MOK: variants seen among roughly 807,000 people sequenced by gnomAD.
MOK encodes MAPK/MAK/MRK overlapping kinase.
In MOK, 59 loss-of-function variants were observed where a neutral mutation model predicts 54.2. That is an observed-to-expected ratio of 1.09 (90% CI 0.88 to 1.35). The LOEUF (loss-of-function observed/expected upper bound fraction) is 1.35. Among genes scored for constraint, MOK ranks in the 40% most tolerant of loss-of-function variants. The probability of loss-of-function intolerance (pLI) is 0.00; values close to 1 mark genes in which losing one functional copy is unlikely to be tolerated. For synonymous variants in MOK, 210 were observed against 202.7 expected, an observed-to-expected ratio of 1.04 and a Z score of -0.31; for missense variants, 517 against 526.2, an observed-to-expected ratio of 0.98 and a Z score of 0.17.
intron 1 of MOK, among the ~76,000 whole-genome samples, 167 bp downstream of exon 1, chr14:102,304,795 G>A (rs973896929): frequency 6.6e-6 from 1 of 151,924 alleles, no homozygotes; most frequent in East Asian, 1.9e-4. Context: ...TCTCACAGCC[G>A]AGGGGGATTC....
chr14:102,226,555 G>A (rs1328014279), downstream of MOK: 1 of 665,030 alleles, frequency 1.5e-6, no homozygotes, highest in Non-Finnish European at 2.7e-6. The surrounding 1 kb of genome is among the most constrained non-coding windows in gnomAD (Gnocchi z 4.8). Flanking sequence ...CCTATGGGCT[G>A]AGCCAGCCTG....
Position 102,228,973 on chromosome 14 carries a change from C to T in MOK, c.*316G>A. 2.6e-6 allele frequency: 1 copy of T among 379,342 alleles called. No individual in the cohort carries two copies. Among genetic ancestry groups the T allele is most frequent in the Non-Finnish European group, 4.7e-6 (1 of 212,072 alleles). 23.5% of individuals were successfully genotyped at this position (379,342 alleles called of 1,614,324 possible). A position where few individuals can be genotyped will look rare whatever the true frequency, so the allele number is the denominator to read the frequency against. On this transcript the variant is annotated 3_prime_UTR_variant, in exon 12 of 12. Transcript: ENST00000361847. Reference sequence around the variant, plus strand: ...ACCCACCTTCCAACCACGCCCAACACATCACAGAAATGCCTGCTCGTTTGT... The same window carrying T: ...ACCCACCTTCCAACCACGCCCAACATATCACAGAAATGCCTGCTCGTTTGT...
At chr14:102,295,359 T>C (rs1050956257) in intron 1 of MOK, among the ~76,000 whole-genome samples, 1 of 152,254 alleles carries the variant, frequency 6.6e-6, no homozygotes, top group Non-Finnish European at 1.5e-5. Context: ...ATTTAAGCCT[T>C]ATTTAACAAG....
chr14:102,283,171 T>C (rs2069649384), intron 2 of MOK: 1 of 206,434 alleles, frequency 4.8e-6, no homozygotes, highest in Admixed American at 5.8e-5. Context: ...CTGTTTTTTT[T>C]AATTAAAAAA....
intron 4 of MOK, among the ~76,000 whole-genome samples, chr14:102,253,099 G>C (rs886858425): frequency 6.6e-6 from 1 of 152,162 alleles, no homozygotes; most frequent in African/African-American, 2.4e-5. Flanking sequence ...AGGTGAAGCA[G>C]GTTTGGGAAA....
intron 2 of MOK, among the ~76,000 whole-genome samples, chr14:102,275,133 C>T (rs1431318569): frequency 6.6e-6 from 1 of 152,158 alleles, no homozygotes; most frequent in African/African-American, 2.4e-5. Flanking sequence ...CTTTTACAGT[C>T]AATTAGCTTT....
At chr14:102,281,010 G>A (rs956734335) in intron 2 of MOK, among the ~76,000 whole-genome samples, 2 of 152,104 alleles carry the variant, frequency 1.3e-5, no homozygotes, top group Non-Finnish European at 2.9e-5. Flanking sequence ...GCAATATGGC[G>A]AGACCCTGTC....
chr14:102,227,978 AAAAG>A (rs1207505183), downstream of MOK, among the ~76,000 whole-genome samples: 1 of 152,240 alleles, frequency 6.6e-6, no homozygotes, highest in Non-Finnish European at 1.5e-5. Context: ...AAGATGACAA[AAAAG>A]AAAGAAGACC....
intron 1 of MOK, among the ~76,000 whole-genome samples, chr14:102,286,774 G>A (rs1378214607): frequency 2.0e-5 from 3 of 151,992 alleles, no homozygotes; most frequent in Non-Finnish European, 4.4e-5. Context: ...AAAATAATGG[G>A]TGGCAGGTGC....
intron 7 of MOK, among the ~76,000 whole-genome samples, chr14:102,250,395 G>C (rs1450755411): frequency 6.6e-6 from 1 of 152,110 alleles, no homozygotes; most frequent in Non-Finnish European, 1.5e-5. Flanking sequence ...GGGAGGGGTG[G>C]GATTGGGGCT....
intron 7 of MOK, among the ~76,000 whole-genome samples, chr14:102,239,240 A>ACGTT (rs1366149980): frequency 6.6e-6 from 1 of 151,738 alleles, no homozygotes; most frequent in Non-Finnish European, 1.5e-5. Flanking sequence ...AAACCTTAAC[A>ACGTT]CTCAGTTGAT....
At chr14:102,277,529 A>C (rs2068990468) in intron 2 of MOK, 1 of 152,172 alleles carries the variant, frequency 6.6e-6, no homozygotes, top group African/African-American at 2.4e-5. Flanking sequence ...GAGGCAGGAG[A>C]ACTGCTTGAA....
At chr14:102,237,637 C>T (rs1381374266) in intron 7 of MOK, among the ~76,000 whole-genome samples, 1 of 152,196 alleles carries the variant, frequency 6.6e-6, no homozygotes, top group Admixed American at 6.5e-5. Flanking sequence ...TGTCACTGCA[C>T]CAGCTCTGTC....
At chr14:102,224,437 A>C, downstream of MOK, 1 of 383,026 alleles carries the variant, frequency 2.6e-6, no homozygotes, top group Non-Finnish European at 5.1e-6. Flanking sequence ...ATCCCAACAG[A>C]ATGTGCAGCT....
In MOK at chr14:102,293,427, G is replaced by A. The variant is rs561614245; in HGVS notation, c.8-9835C>T. Among the ~76,000 whole-genome samples the A allele has an allele frequency of 6.6e-5, 10 of 152,194 alleles. No individual in the cohort carries two copies. The East Asian group carries it at 1.7e-3, about 26-fold the overall frequency. ...AGAAAGACTGAATACAGCTGGGTGC[G>A]GTGGCTCACGCCTGTAATCCCAGCA... On this transcript the variant is annotated intron_variant, in intron 1 of 11. Coordinates refer to ENST00000361847, the MANE Select transcript of MOK (RefSeq NM_014226.3).
intron 7 of MOK, chr14:102,234,214 C>A: frequency 5.6e-6 from 1 of 178,258 alleles, no homozygotes; most frequent in Non-Finnish European, 1.2e-5. Context: ...CTGGCCAGGA[C>A]TCGCTCACTA....
intron 7 of MOK, among the ~76,000 whole-genome samples, chr14:102,244,686 G>A (rs530241695): frequency 6.6e-6 from 1 of 152,244 alleles, no homozygotes; most frequent in South Asian, 2.1e-4. Context: ...TGGATGGGTA[G>A]AGGCCTTTCC....
chr14:102,283,416 G>T, intron 2 of MOK, 62 bp downstream of exon 2: 1 of 1,042,740 alleles, frequency 9.6e-7, no homozygotes, highest in Admixed American at 2.3e-5. Context: ...CTAATATTAA[G>T]TTGCCGTTAT....
At chr14:102,243,023 C>A (rs2065836021) in intron 7 of MOK, among the ~76,000 whole-genome samples, 1 of 152,142 alleles carries the variant, frequency 6.6e-6, no homozygotes, top group South Asian at 2.1e-4. Context: ...TCAGTCAAAC[C>A]CAAATTTCTT....
Sources: allele counts gnomAD v4.1 joint callset (sites outside exome capture counted in the v4.1 genomes callset), GRCh38; gene constraint gnomAD v4.1.1; non-coding constraint Gnocchi (gnomAD v3.1); transcripts MANE v1.5; gene names NCBI Gene and HGNC (gene_info 2026-07-23, HGNC 2026-07-21).